TBC1D12: variants seen among roughly 807,000 people sequenced by gnomAD.
TBC1D12 encodes TBC1 domain family member 12.
A neutral mutation model predicts 86.7 loss-of-function variants in TBC1D12; 56 were observed. That is an observed-to-expected ratio of 0.65 (90% confidence interval 0.52 to 0.81). The LOEUF (loss-of-function observed/expected upper bound fraction) is 0.81, where lower values mean the gene tolerates loss of function less well. Among genes scored for constraint, TBC1D12 ranks in the 30% least tolerant of loss-of-function variants. The pLI is 0.00. For missense variants in TBC1D12, 1,023 were observed against 1,038.8 expected (o/e 0.98, Z 0.21); for synonymous variants, 421 against 411.7 (o/e 1.02, Z -0.27).
At chr10:94,524,781 G>C (rs1488124848) in intron 11 of TBC1D12, among the ~76,000 whole-genome samples, 1 of 150,312 alleles carries the variant, frequency 6.7e-6, no homozygotes, top group Non-Finnish European at 1.5e-5. Context: ...TACTGATGGG[G>C]AACCTGAAAT....
At chr10:94,413,656 A>C (rs1048849301) in intron 1 of TBC1D12, among the ~76,000 whole-genome samples, 2 of 152,084 alleles carry the variant, frequency 1.3e-5, no homozygotes, top group African/African-American at 4.8e-5. Flanking sequence ...AAATCAAGCT[A>C]CAAGTCATGC....
In TBC1D12 at chr10:94,532,423, C is replaced by T. The variant is rs181843623; in HGVS notation, c.2260-605C>T. ...CGATCTCCTGACCTTGTGATCTGCC[C>T]GCCTCAGCCTCCCAAAGTGCTGTGA... On this transcript the variant is annotated intron_variant, in intron 12 of 12. Transcript: ENST00000225235. Among the ~76,000 whole-genome samples, 240 of 152,116 alleles carry T rather than the reference C, an allele frequency of 1.6e-3. 1 individual carries two copies. The highest frequency in any genetic ancestry group is 2.8e-3 in the Non-Finnish European group (190 of 67,996).
chr10:94,525,099 T>C (rs893907048), intron 11 of TBC1D12, among the ~76,000 whole-genome samples: 2 of 152,198 alleles, frequency 1.3e-5, no homozygotes, highest in African/African-American at 4.8e-5. Flanking sequence ...AGAAACCATA[T>C]TCTTTATAAA....
At chr10:94,422,185 GTTTTTTTT>G (rs57798611) in intron 1 of TBC1D12, among the ~76,000 whole-genome samples, 3 of 106,818 alleles carry the variant, frequency 2.8e-5, no homozygotes, top group Admixed American at 1.0e-4. Context: ...GGTTCATGTA[GTTTTTTTT>G]TTTTTTTTTT....
intron 2 of TBC1D12, among the ~76,000 whole-genome samples, chr10:94,464,791 A>G (rs550133975): frequency 1.3e-5 from 2 of 152,334 alleles, no homozygotes; most frequent in East Asian, 1.9e-4. Context: ...GAATAAAGCT[A>G]TTATATGTTA....
intron 10 of TBC1D12, 100 bp downstream of exon 10, chr10:94,522,183 A>T: frequency 7.2e-7 from 1 of 1,382,680 alleles, no homozygotes; most frequent in Non-Finnish European, 9.8e-7. Context: ...TCTAATATAA[A>T]CTTATCATTA....
intron 2 of TBC1D12, among the ~76,000 whole-genome samples, chr10:94,473,975 G>A (rs1436352293): frequency 8.5e-5 from 13 of 152,114 alleles, no homozygotes; most frequent in Admixed American, 8.5e-4. Flanking sequence ...AATAAGATGT[G>A]TTAGCAAACT....
In TBC1D12 at chr10:94,510,162, CTCTA is replaced by C; in HGVS notation, c.1673_1676del (p.Leu558ProfsTer17). The C allele has an allele frequency of 6.3e-7, 1 of 1,595,588 alleles. No individual in the cohort carries two copies. Among genetic ancestry groups the C allele is most frequent in the Non-Finnish European group, 8.5e-7 (1 of 1,175,222 alleles). On this transcript the variant is annotated frameshift_variant, in exon 8 of 13. Transcript: ENST00000225235. LOFTEE classifies it high-confidence loss of function. ...GGACATATCCCGTACATTTCCATCT[CTCTA>C]CATCTTTCAGAAGGTGAGGGTTTCT...
intron 1 of TBC1D12, 91 bp downstream of exon 1, chr10:94,403,675 G>A: frequency 7.2e-7 from 1 of 1,383,618 alleles, no homozygotes; most frequent in Non-Finnish European, 9.3e-7. Context: ...AGCCGGAGCC[G>A]GAGCGGAGAG....
chr10:94,485,488 AT>A (rs1266419023), intron 3 of TBC1D12, among the ~76,000 whole-genome samples: 3 of 138,086 alleles, frequency 2.2e-5, no homozygotes, highest in Admixed American at 7.2e-5. Context: ...GTTTGCTAGT[AT>A]TTTGTTGAGG....
intron 1 of TBC1D12, among the ~76,000 whole-genome samples, chr10:94,434,660 C>A (rs1003702976): frequency 2.0e-5 from 3 of 150,778 alleles, no homozygotes; most frequent in Non-Finnish European, 4.4e-5. Flanking sequence ...TAATCCCAGC[C>A]TTTGGGAGGC....
intron 2 of TBC1D12, among the ~76,000 whole-genome samples, chr10:94,450,411 A>T (rs1034277606): frequency 3.9e-5 from 6 of 151,988 alleles, no homozygotes; most frequent in African/African-American, 1.5e-4. Context: ...GGGGAAAGCC[A>T]TTCTAGATAG....
chr10:94,448,257 A>G (rs1051015461), intron 2 of TBC1D12, among the ~76,000 whole-genome samples: 1 of 152,220 alleles, frequency 6.6e-6, no homozygotes, highest in Non-Finnish European at 1.5e-5. Context: ...TGTGAGCAGT[A>G]GTTAAATGTT....
intron 1 of TBC1D12, among the ~76,000 whole-genome samples, chr10:94,415,273 T>C (rs755412337): frequency 4.3e-4 from 65 of 152,234 alleles, no homozygotes; most frequent in Admixed American, 1.4e-3. Context: ...TTTAAGTTGC[T>C]TTTTTGTACT....
intron 1 of TBC1D12, among the ~76,000 whole-genome samples, chr10:94,421,745 CT>C (rs1045685902): frequency 6.6e-6 from 1 of 152,078 alleles, no homozygotes; most frequent in African/African-American, 2.4e-5. Context: ...AATAGTATTT[CT>C]TTGTGATTTT....
Position 94,533,185 on chromosome 10 carries a change from T to C in TBC1D12, c.*89T>C. On this transcript the variant is annotated 3_prime_UTR_variant, in exon 13 of 13. Coordinates refer to ENST00000225235, the MANE Select transcript of TBC1D12 (RefSeq NM_015188.2). ...CCTATGTAAAAGGCGTGGAAGAAAA[T>C]GTTGGAGATACCTAAAAGAATCAAG... 2.8e-6 allele frequency: 2 copies of C among 711,740 alleles called. No homozygotes were observed. The highest frequency in any genetic ancestry group is 3.8e-5 in the South Asian group (2 of 51,960). The allele number at this position is 711,740 out of a possible 1,614,324, so 44.1% of individuals were successfully genotyped here.
At chr10:94,446,895 A>T (rs991208954) in intron 2 of TBC1D12, among the ~76,000 whole-genome samples, 2 of 151,950 alleles carry the variant, frequency 1.3e-5, no homozygotes, top group Admixed American at 1.3e-4. Flanking sequence ...TAGCCTGGCC[A>T]ACCACATTTC....
chr10:94,433,130 G>A (rs1324887538), intron 1 of TBC1D12, among the ~76,000 whole-genome samples: 3 of 151,966 alleles, frequency 2.0e-5, no homozygotes, highest in South Asian at 2.1e-4. Flanking sequence ...GCTTGAACCC[G>A]GGAGGTGGAG....
At chr10:94,502,955 G>C (rs553081830) in intron 6 of TBC1D12, among the ~76,000 whole-genome samples, 1 of 152,192 alleles carries the variant, frequency 6.6e-6, no homozygotes, top group South Asian at 2.1e-4. Context: ...ATTCTTTCTG[G>C]TCTTTTTTCT....
Sources: allele counts gnomAD v4.1 joint callset (sites outside exome capture counted in the v4.1 genomes callset), GRCh38; gene constraint gnomAD v4.1.1; transcripts MANE v1.5; gene names NCBI Gene and HGNC (gene_info 2026-07-23, HGNC 2026-07-21).